The following MMS22L variants were observed in gnomAD, a reference collection of about 807,000 sequenced individuals.
The protein encoded by MMS22L is protein MMS22-like.
Under a neutral mutation model 159.1 loss-of-function variants are expected in MMS22L, and 74 were observed. That is an observed-to-expected ratio of 0.47 (90% confidence interval 0.39 to 0.56). The LOEUF is 0.56. Among genes scored for constraint, MMS22L ranks in the 20% least tolerant of loss-of-function variants. The pLI, the probability that MMS22L is intolerant of heterozygous loss-of-function variation, is 0.00. For synonymous variants in MMS22L, 517 were observed against 506.9 expected (o/e 1.02, Z -0.27); for missense variants, 1,351 against 1,422.1 (o/e 0.95, Z 0.80).
chr6:97,269,978 T>C lies in MMS22L; in HGVS notation c.621A>G (p.Ser207=), dbSNP rs904615590. 2.5e-6 allele frequency: 4 copies of C among 1,612,134 alleles called. No individual in the cohort carries two copies. Among genetic ancestry groups the C allele is most frequent in the Non-Finnish European group, 3.4e-6 (4 of 1,178,996 alleles). Residue 207 remains serine, a synonymous_variant, in exon 7 of 25, where the codon TCA becomes TCG. Coordinates refer to ENST00000683635, the MANE Select transcript of MMS22L (RefSeq NM_001350599.2). The part of the protein sequence containing the change: ...NQNQIKLFPP[S]WHLLHLHLDI... Reference sequence around the variant, plus strand: ...CCAAGTGGAGATGTAATAAATGCCATGACGGTGGAAAAAGCTGTGGATGAC... The same window carrying C: ...CCAAGTGGAGATGTAATAAATGCCACGACGGTGGAAAAAGCTGTGGATGAC...
chr6:97,163,086 T>A (rs985020857), intron 21 of MMS22L, among the ~76,000 whole-genome samples: 2 of 152,050 alleles, frequency 1.3e-5, no homozygotes, highest in African/African-American at 4.8e-5. Context: ...TACTACATAT[T>A]AGAAAATTCA....
At chr6:97,231,253 T>G in intron 13 of MMS22L, 173 bp downstream of exon 13, 1 of 583,930 alleles carries the variant, frequency 1.7e-6, no homozygotes, top group Non-Finnish European at 3.0e-6. Context: ...CCTACCAACG[T>G]ACAACTTGAA....
intron 14 of MMS22L, among the ~76,000 whole-genome samples, chr6:97,228,500 A>C (rs1469017241): frequency 6.6e-6 from 1 of 152,208 alleles, no homozygotes; most frequent in African/African-American, 2.4e-5. Context: ...GTTGCAGTCA[A>C]AACTTTGTTT....
At chr6:97,227,842 T>A (rs1810424338) in intron 14 of MMS22L, among the ~76,000 whole-genome samples, 1 of 152,228 alleles carries the variant, frequency 6.6e-6, no homozygotes, top group Non-Finnish European at 1.5e-5. Flanking sequence ...GTAAAACTGC[T>A]ATGTGAAAAG....
chr6:97,254,652 T>C lies in MMS22L; in HGVS notation c.1024A>G (p.Ile342Val). The C allele has an allele frequency of 1.2e-6, 2 of 1,613,496 alleles. No homozygotes were observed. The highest frequency in any genetic ancestry group is 1.7e-6 in the Non-Finnish European group (2 of 1,179,698). Residue 342 changes from isoleucine to valine, a missense_variant, in exon 10 of 25, where the codon ATC becomes GTC. By Grantham distance (29) the Ile-to-Val change is conservative. Coordinates refer to ENST00000683635, the MANE Select transcript of MMS22L (RefSeq NM_001350599.2). ...AAACCTAATGGATCCCTGGACTGGA[T>C]TACAGGCATAGAGGATCTTCTTCGG... ...SDRRRSSMPVIQSRDPLGFSW... is the reference protein window; with the variant it reads ...SDRRRSSMPVVQSRDPLGFSW...
At position 97,145,553 on chromosome 6, in the gene MMS22L, T is replaced by C. The variant is rs192985185; in HGVS notation, c.*1253A>G. Reference sequence around the variant, plus strand: ...TCTGGGACATATCATTAGAGAAAGATAAAATTGAGAGGTGTTCTTTGCCTT... The same window carrying C: ...TCTGGGACATATCATTAGAGAAAGACAAAATTGAGAGGTGTTCTTTGCCTT... On this transcript the variant is annotated 3_prime_UTR_variant, in exon 25 of 25. Coordinates refer to ENST00000683635, the MANE Select transcript of MMS22L (RefSeq NM_001350599.2). 1 of 152,276 alleles carries C rather than the reference T, an allele frequency of 6.6e-6. No homozygotes were observed. Among genetic ancestry groups the C allele is most frequent in the East Asian group, 1.9e-4 (1 of 5,180 alleles). The allele number at this position is 152,276 out of a possible 1,614,324, so 9.4% of individuals were successfully genotyped here. A position where few individuals can be genotyped will look rare whatever the true frequency, so the allele number is the denominator to read the frequency against.
intron 10 of MMS22L, among the ~76,000 whole-genome samples, chr6:97,250,314 T>G (rs1029342951): frequency 2.0e-5 from 3 of 152,178 alleles, no homozygotes; most frequent in African/African-American, 7.2e-5. Context: ...ACCCTCCACT[T>G]CCAGCAGACT....
intron 22 of MMS22L, among the ~76,000 whole-genome samples, chr6:97,158,089 T>A (rs757784825): frequency 6.6e-6 from 1 of 152,186 alleles, no homozygotes; most frequent in Non-Finnish European, 1.5e-5. Flanking sequence ...TCTTCTAGAT[T>A]TTTTAGTTTA....
At chr6:97,190,618 T>C (rs1348862436) in intron 14 of MMS22L, among the ~76,000 whole-genome samples, 3 of 152,306 alleles carry the variant, frequency 2.0e-5, no homozygotes, top group Admixed American at 6.5e-5. Flanking sequence ...ACCAGCACCA[T>C]GCAAAGTGTT....
intron 11 of MMS22L, among the ~76,000 whole-genome samples, chr6:97,234,679 A>C (rs1402565504): frequency 6.6e-6 from 1 of 152,188 alleles, no homozygotes; most frequent in African/African-American, 2.4e-5. Context: ...AAAGAAAAGA[A>C]AAGGACACTA....
Position 97,188,303 on chromosome 6 carries a change from G to A in MMS22L, c.2040-1613C>T, listed in dbSNP as rs548594616. Among the ~76,000 whole-genome samples the A allele has an allele frequency of 1.2e-3, 185 of 152,302 alleles. 2 individuals are homozygous for A. The South Asian group carries it at 0.019, about 16-fold the overall frequency. Reference sequence around the variant, plus strand: ...AGACAATAAATAACTTATGGTACTTGAGTAGGATGGATTTTGCTCACCATA... The same window carrying A: ...AGACAATAAATAACTTATGGTACTTAAGTAGGATGGATTTTGCTCACCATA... On this transcript the variant is annotated intron_variant, in intron 14 of 24. Coordinates refer to ENST00000683635, the MANE Select transcript of MMS22L (RefSeq NM_001350599.2).
chr6:97,271,012 G>C (rs1815679282), intron 6 of MMS22L: 1 of 151,900 alleles, frequency 6.6e-6, no homozygotes, highest in South Asian at 2.1e-4. Context: ...TGATGAAAAA[G>C]TAAATAAAAG....
chr6:97,183,649 C>T (rs1804943510), intron 15 of MMS22L, among the ~76,000 whole-genome samples: 1 of 152,122 alleles, frequency 6.6e-6, no homozygotes, highest in South Asian at 2.1e-4. Flanking sequence ...CACAGAGAAA[C>T]AAGAAACATC....
chr6:97,235,152 T>A (rs1243132628), intron 11 of MMS22L, among the ~76,000 whole-genome samples: 2 of 152,188 alleles, frequency 1.3e-5, no homozygotes, highest in African/African-American at 4.8e-5. Flanking sequence ...GAGGCGACTG[T>A]GCGAAACTAT....
upstream of MMS22L, chr6:97,283,752 C>T (rs1816984454): frequency 6.6e-6 from 1 of 152,212 alleles, no homozygotes; most frequent in African/African-American, 2.4e-5. Flanking sequence ...ATACACACTC[C>T]TGTCAAGTGC....
chr6:97,233,782 A>T (rs943453016), intron 12 of MMS22L, 79 bp downstream of exon 12: 1 of 1,442,976 alleles, frequency 6.9e-7, no homozygotes, highest in South Asian at 1.5e-5. Flanking sequence ...AACTATTCAT[A>T]ATTAAACCAT....
intron 14 of MMS22L, among the ~76,000 whole-genome samples, chr6:97,198,054 G>C (rs1806731535): frequency 6.6e-6 from 1 of 152,134 alleles, no homozygotes; most frequent in Non-Finnish European, 1.5e-5. Flanking sequence ...GAGCACAGCA[G>C]ACATGACATT....
chr6:97,243,508 T>TTTA (rs1441125650), intron 11 of MMS22L, among the ~76,000 whole-genome samples: 10 of 152,198 alleles, frequency 6.6e-5, no homozygotes, highest in African/African-American at 2.4e-4. Context: ...TAAATTTCTT[T>TTTA]AATCTGGTTT....
intron 9 of MMS22L, chr6:97,259,314 A>G (rs1814186717): frequency 6.6e-6 from 1 of 152,206 alleles, no homozygotes; most frequent in South Asian, 2.1e-4. Flanking sequence ...ACAGGATGCC[A>G]AGATATTTGG....
Sources: gnomAD v4.1 joint callset for allele counts (sites outside exome capture counted in the v4.1 genomes callset) on GRCh38, gnomAD v4.1.1 for gene constraint, MANE v1.5 for transcripts, NCBI Gene and HGNC (gene_info 2026-07-23, HGNC 2026-07-21) for gene names.